Variants in TM9SF2 observed in about 807,000 individuals in gnomAD.
The protein encoded by TM9SF2 is 76 kDa membrane protein.
In TM9SF2, 13 loss-of-function variants were observed where a neutral mutation model predicts 84.9. The ratio of observed to expected loss-of-function variants is 0.15; its 90% CI spans 0.10 to 0.24. TM9SF2 has a LOEUF of 0.24. TM9SF2 is among the 10% of genes least tolerant of loss of function. The pLI is 1.00. For missense variants in TM9SF2, 562 were observed against 818.5 expected, an observed-to-expected ratio of 0.69 and a Z score of 3.82; for synonymous variants, 273 against 285.8, an observed-to-expected ratio of 0.96 and a Z score of 0.45.
In TM9SF2 at chr13:99,552,366, C is replaced by G. The variant is rs774585204; in HGVS notation, c.1488+40C>G. The stretch of plus-strand genomic sequence containing the variant: ...GTTAACTTATTCAGGTGAATTTTAG[C>G]TGCAGAAATTAGCATATGCCATCTC... On this transcript the variant is annotated intron_variant, in intron 13 of 16. Coordinates refer to ENST00000376387, the MANE Select transcript of TM9SF2 (RefSeq NM_004800.3). The G allele has an allele frequency of 7.6e-6, 12 of 1,586,300 alleles. No individual in the cohort carries two copies. The East Asian group carries it at 2.7e-4, about 36-fold the overall frequency.
rs150984684 is a variant in TM9SF2, at chr13:99,516,627, T to C, written c.172-987T>C. Among the ~76,000 whole-genome samples the C allele has an allele frequency of 1.8e-3, 278 of 152,328 alleles. 7 individuals are homozygous for C. In the East Asian group the frequency reaches 0.051, roughly 28 times the overall value. ...TTTTGGAAGCTTCAGTAGGAAAGTG[T>C]AGCTTAAAATTAGCCTATATTTCCC... On this transcript the variant is annotated intron_variant, in intron 1 of 16. Transcript: ENST00000376387.
At chr13:99,508,474 A>G (rs1296182867) in intron 1 of TM9SF2, among the ~76,000 whole-genome samples, 3 of 151,572 alleles carry the variant, frequency 2.0e-5, no homozygotes, top group East Asian at 1.9e-4. Context: ...CTCCAAGAAC[A>G]TATAAATAAG....
At chr13:99,554,172 G>A (rs766842635) in intron 13 of TM9SF2, 132 bp from the exon 14 acceptor site, 1 of 1,086,024 alleles carries the variant, frequency 9.2e-7, no homozygotes, top group Non-Finnish European at 1.3e-6. Flanking sequence ...TCAGTTTGAT[G>A]TCTTAAGTAG....
intron 11 of TM9SF2, among the ~76,000 whole-genome samples, chr13:99,547,556 A>C (rs1177866251): frequency 6.6e-6 from 1 of 152,254 alleles, no homozygotes; most frequent in Non-Finnish European, 1.5e-5. Context: ...ATTTATAAAA[A>C]TACACTGTTT....
intron 1 of TM9SF2, among the ~76,000 whole-genome samples, chr13:99,505,060 G>A (rs747398749): frequency 4.0e-5 from 6 of 151,486 alleles, no homozygotes; most frequent in Non-Finnish European, 5.9e-5. Context: ...ACAATGATAG[G>A]TTTGATTTCC....
intron 13 of TM9SF2, among the ~76,000 whole-genome samples, chr13:99,553,211 T>C (rs1423481969): frequency 6.6e-6 from 1 of 152,208 alleles, no homozygotes; most frequent in African/African-American, 2.4e-5. Flanking sequence ...TCTGAAAATA[T>C]CAAGTCCACA....
Position 99,561,004 on chromosome 13 carries a change from A to G in TM9SF2, c.1924+1470A>G, listed in dbSNP as rs190465293. ...CTGATTTTGTTTTTTAAAGTGTTAT[A>G]TTTTCATTCATTCAGAGTTGAATTT... On this transcript the variant is annotated intron_variant, in intron 16 of 16. Coordinates refer to ENST00000376387, the MANE Select transcript of TM9SF2 (RefSeq NM_004800.3). 7.2e-5 allele frequency among the ~76,000 whole-genome samples: 11 copies of G among 152,250 alleles called. No homozygotes were observed. In the East Asian group the frequency reaches 2.1e-3, roughly 29 times the overall value.
intron 10 of TM9SF2, 125 bp from the exon 11 acceptor site, chr13:99,546,860 G>A (rs1381629028): frequency 7.6e-7 from 1 of 1,321,836 alleles, no homozygotes; most frequent in Non-Finnish European, 1.0e-6. Context: ...CATGGTAGGA[G>A]AGCACATGGT....
intron 4 of TM9SF2, among the ~76,000 whole-genome samples, chr13:99,531,378 G>A (rs182376412): frequency 5.4e-4 from 82 of 152,260 alleles, no homozygotes; most frequent in African/African-American, 1.9e-3. Flanking sequence ...CAGTATATTA[G>A]ATCACATTGT....
At chr13:99,511,329 A>G (rs1017690261) in intron 1 of TM9SF2, among the ~76,000 whole-genome samples, 3 of 152,168 alleles carry the variant, frequency 2.0e-5, no homozygotes, top group Admixed American at 2.0e-4. Flanking sequence ...CATCTGTGGC[A>G]TACTTTCACA....
chr13:99,541,705 CA>C, intron 9 of TM9SF2, 38 bp downstream of exon 9: 2 of 1,377,786 alleles, frequency 1.5e-6, no homozygotes, highest in Admixed American at 2.0e-5. Flanking sequence ...CTGCCAAGGA[CA>C]CTGTTTATTG....
chr13:99,539,172 C>T (rs929976431), intron 6 of TM9SF2, among the ~76,000 whole-genome samples: 3 of 148,482 alleles, frequency 2.0e-5, no homozygotes, highest in Non-Finnish European at 3.0e-5. Flanking sequence ...ATGGCACCAC[C>T]GCACTCAGGC....
At chr13:99,521,676 G>A (rs372069870) in intron 3 of TM9SF2, among the ~76,000 whole-genome samples, 1 of 152,110 alleles carries the variant, frequency 6.6e-6, no homozygotes, top group African/African-American at 2.4e-5. Context: ...GGTTTTGACT[G>A]TAAATATATC....
In TM9SF2 at chr13:99,557,430, T is replaced by G. The variant is rs145349174; in HGVS notation, c.1752+1783T>G. ...TTTATTTATTCTGAATAGTAGATCT[T>G]TATCAGATTGTTATTTGCAGTTCTG... On this transcript the variant is annotated intron_variant, in intron 15 of 16. Transcript: ENST00000376387. 3.9e-3 allele frequency among the ~76,000 whole-genome samples: 587 copies of G among 152,352 alleles called. 4 individuals are homozygous for G. The highest frequency in any genetic ancestry group is 0.013 in the African/African-American group (548 of 41,582).
At chr13:99,556,451 C>T (rs2390279) in intron 15 of TM9SF2, among the ~76,000 whole-genome samples, 133,870 of 152,278 alleles carry the variant, frequency 0.88, 58,995 homozygotes, top group Admixed American at 0.93. Context: ...CTGTCTGTTT[C>T]GCCTGTTCAG....
intron 3 of TM9SF2, among the ~76,000 whole-genome samples, chr13:99,525,687 C>T (rs1461944365): frequency 5.9e-5 from 9 of 151,726 alleles, no homozygotes; most frequent in African/African-American, 2.2e-4. Context: ...TCCCAAGTAG[C>T]TGGGACTATA....
At chr13:99,558,577 C>A (rs1392693738) in intron 15 of TM9SF2, among the ~76,000 whole-genome samples, 1 of 152,038 alleles carries the variant, frequency 6.6e-6, no homozygotes, top group East Asian at 1.9e-4. Context: ...GTATTTTATT[C>A]TTTTGGGTGC....
intron 4 of TM9SF2, among the ~76,000 whole-genome samples, chr13:99,532,407 C>G (rs982335309): frequency 2.0e-5 from 3 of 151,988 alleles, no homozygotes. Context: ...ACTGTTTAGT[C>G]AGCCCGGCAC....
Position 99,517,677 on chromosome 13 carries a change from A to T in TM9SF2, c.235A>T (p.Thr79Ser). ...GGAATCAGTTCTTCCTTATGAATAC[A>T]CAGCGTAAGTTTTTCAGCTTGGCTT... ...SVESVLPYEY[T>S]AFDFCQASEG... Residue 79 changes from threonine to serine, a missense_variant, in exon 2 of 17, where the codon ACA becomes TCA. This residue lies in a region of TM9SF2 where 267 missense variants were observed against 316.7 expected (regional missense o/e 0.84). Coordinates refer to ENST00000376387, the MANE Select transcript of TM9SF2 (RefSeq NM_004800.3). 1.3e-6 allele frequency: 2 copies of T among 1,584,424 alleles called. No individual in the cohort carries two copies. Among genetic ancestry groups the T allele is most frequent in the Non-Finnish European group, 1.7e-6 (2 of 1,167,928 alleles).
Sources: allele counts gnomAD v4.1 joint callset (sites outside exome capture counted in the v4.1 genomes callset), GRCh38; gene constraint gnomAD v4.1.1; regional missense constraint gnomAD v4.1.1; transcripts MANE v1.5; gene names NCBI Gene and HGNC (gene_info 2026-07-23, HGNC 2026-07-21).